DOCK1: variants seen among roughly 807,000 people sequenced by gnomAD.
The protein encoded by DOCK1 is dedicator of cytokinesis protein 1.
DOCK1 carries 138 observed loss-of-function variants against 262.7 expected under a neutral mutation model. The ratio of observed to expected loss-of-function variants is 0.53; its 90% CI spans 0.46 to 0.61. The LOEUF (loss-of-function observed/expected upper bound fraction) is 0.61, where lower values mean the gene tolerates loss of function less well. DOCK1 is among the 20% of genes least tolerant of loss of function. The pLI, the probability that DOCK1 is intolerant of heterozygous loss-of-function variation, is 0.00. For synonymous variants in DOCK1, 866 were observed against 867.4 expected (o/e 1.00, Z 0.03); for missense variants, 1,908 against 2,370.7 (o/e 0.80, Z 4.05).
At chr10:127,420,114 G>T (rs1165178680) in intron 46 of DOCK1, among the ~76,000 whole-genome samples, 1 of 152,228 alleles carries the variant, frequency 6.6e-6, no homozygotes, top group East Asian at 1.9e-4. Context: ...GCTCGGGCCA[G>T]TGCAGTCCCT....
At chr10:127,046,471 A>G (rs2044354290) in intron 21 of DOCK1, among the ~76,000 whole-genome samples, 1 of 152,128 alleles carries the variant, frequency 6.6e-6, no homozygotes, top group African/African-American at 2.4e-5. Context: ...AAAGCTTTTC[A>G]GGCCATGCAT....
chr10:126,967,518 A>G (rs2037759494), intron 1 of DOCK1, among the ~76,000 whole-genome samples: 2 of 146,056 alleles, frequency 1.4e-5, no homozygotes, highest in Admixed American at 7.0e-5. Flanking sequence ...CTAATTTCCT[A>G]TTGCTGCTGT....
At chr10:126,986,292 A>T (rs956230762) in intron 4 of DOCK1, among the ~76,000 whole-genome samples, 3 of 151,862 alleles carry the variant, frequency 2.0e-5, no homozygotes, top group African/African-American at 7.3e-5. Flanking sequence ...TCCACTGTCA[A>T]TAAGTCATCA....
At chr10:127,338,464 C>G (rs1172152961) in intron 29 of DOCK1, among the ~76,000 whole-genome samples, 1 of 152,132 alleles carries the variant, frequency 6.6e-6, no homozygotes, top group Non-Finnish European at 1.5e-5. Flanking sequence ...TCTACTAAAG[C>G]TTTTAACTTC....
intron 27 of DOCK1, among the ~76,000 whole-genome samples, chr10:127,133,607 C>T (rs1357638238): frequency 1.3e-5 from 2 of 152,098 alleles, no homozygotes; most frequent in Non-Finnish European, 2.9e-5. Flanking sequence ...AGGTTGGTTA[C>T]TAGCTATGGG....
chr10:127,351,564 A>G (rs756679406), intron 31 of DOCK1, among the ~76,000 whole-genome samples: 15 of 151,950 alleles, frequency 9.9e-5, no homozygotes, highest in Non-Finnish European at 1.9e-4. Flanking sequence ...TGGCCATGTC[A>G]TTTTGCTTCT....
At chr10:126,963,640 C>CTTCCCTTCCCTTCCCTTCCCTCCT (rs1478977215) in intron 1 of DOCK1, among the ~76,000 whole-genome samples, 14 of 65,120 alleles carry the variant, frequency 2.1e-4, no homozygotes, top group Non-Finnish European at 2.8e-4. Context: ...CTTCCCTTCC[C>CTTCCCTTCCCTTCCCTTCCCTCCT]TCCTTCCTTC....
At chr10:127,129,397 A>G (rs1177035686) in intron 27 of DOCK1, among the ~76,000 whole-genome samples, 1 of 152,268 alleles carries the variant, frequency 6.6e-6, no homozygotes, top group Non-Finnish European at 1.5e-5. Flanking sequence ...GTTTCCATGT[A>G]AATTGGCTTT....
intron 29 of DOCK1, among the ~76,000 whole-genome samples, chr10:127,315,573 G>A (rs147724529): frequency 1.3e-3 from 195 of 152,280 alleles, no homozygotes; most frequent in African/African-American, 4.4e-3. Flanking sequence ...AGAAGTTTCT[G>A]TTGTTTAAGC....
chr10:127,143,383 C>G (rs546548771), intron 27 of DOCK1, among the ~76,000 whole-genome samples: 2 of 152,270 alleles, frequency 1.3e-5, no homozygotes, highest in South Asian at 4.2e-4. Context: ...AGAGTCTTCC[C>G]CAGTGCTAAC....
rs751279636 is a variant in DOCK1 at position 127,052,810 on chromosome 10, C to T, written c.2331C>T (p.Phe777=). The T allele has an allele frequency of 6.2e-6, 10 of 1,611,368 alleles. No individual in the cohort carries two copies. In the Admixed American group the frequency reaches 1.0e-4, roughly 16 times the overall value. ...TCATCGTGCGCTCCAGGATCCTGTT[C>T]AATCAGTGCGTACCTATCCCCTCCA... ...FKFIVRSRIL[F]NQLYENKGEA... The change falls in exon 22 of 52, where the codon TTC becomes TTT. Residue 777 remains phenylalanine (F), a synonymous_variant. Coordinates refer to ENST00000623213, the MANE Select transcript of DOCK1 (RefSeq NM_001290223.2).
intron 1 of DOCK1, 74 bp downstream of exon 1, chr10:126,905,637 G>A (rs952271889): frequency 2.1e-5 from 5 of 242,264 alleles, no homozygotes; most frequent in Non-Finnish European, 3.9e-5. Context: ...CCGGGCGCCT[G>A]TTGCCGCCGC....
At chr10:127,072,849 G>A (rs1037202794) in intron 23 of DOCK1, among the ~76,000 whole-genome samples, 1 of 152,214 alleles carries the variant, frequency 6.6e-6, no homozygotes, top group Non-Finnish European at 1.5e-5. Flanking sequence ...CAAAGTCTGT[G>A]CGTCTTAATA....
chr10:127,120,882 A>G (rs550075760), intron 25 of DOCK1, among the ~76,000 whole-genome samples: 3 of 152,278 alleles, frequency 2.0e-5, no homozygotes, highest in South Asian at 2.1e-4. Flanking sequence ...GTATAATACT[A>G]TACCTTCTGT....
intron 2 of DOCK1, among the ~76,000 whole-genome samples, chr10:126,972,766 T>C (rs2038213772): frequency 6.6e-6 from 1 of 151,700 alleles, no homozygotes; most frequent in South Asian, 2.1e-4. Flanking sequence ...TATTTCCCCA[T>C]CTGATGCATG....
chr10:126,987,048 G>A (rs1277325655), intron 4 of DOCK1, among the ~76,000 whole-genome samples: 7 of 152,156 alleles, frequency 4.6e-5, no homozygotes, highest in Non-Finnish European at 8.8e-5. Flanking sequence ...CTCATATTTC[G>A]CCAAGGATAA....
chr10:127,450,410 T>G (rs1490348436), intron 51 of DOCK1, among the ~76,000 whole-genome samples: 2 of 152,274 alleles, frequency 1.3e-5, no homozygotes, highest in Non-Finnish European at 2.9e-5. Flanking sequence ...CTGGTTCTTC[T>G]GCCTGTGGCA....
At chr10:127,050,673 C>T (rs1028264718) in intron 21 of DOCK1, among the ~76,000 whole-genome samples, 1 of 151,162 alleles carries the variant, frequency 6.6e-6, no homozygotes, top group African/African-American at 2.4e-5. Context: ...CCACTGCACT[C>T]CCGCCTGGGC....
chr10:126,997,981 C>A, intron 7 of DOCK1, 111 bp from the exon 8 acceptor site: 2 of 1,400,466 alleles, frequency 1.4e-6, no homozygotes, highest in Non-Finnish European at 9.7e-7. Flanking sequence ...AAGGCCTTTG[C>A]TGGGTTATGC....
Sources: gnomAD v4.1 joint callset for allele counts (sites outside exome capture counted in the v4.1 genomes callset) on GRCh38, gnomAD v4.1.1 for gene constraint, MANE v1.5 for transcripts, NCBI Gene and HGNC (gene_info 2026-07-23, HGNC 2026-07-21) for gene names.